The following ALPL variants were observed in gnomAD, a reference collection of about 807,000 sequenced individuals.
ALPL encodes the protein alkaline phosphatase, biomineralization associated, also known as alkaline phosphatase, tissue-nonspecific isozyme.
A neutral mutation model predicts 51.3 loss-of-function variants in ALPL; 42 were observed. The ratio of observed to expected loss-of-function variants is 0.82; its 90% CI spans 0.64 to 1.06. ALPL has a LOEUF of 1.06. Ranked by LOEUF, ALPL falls within the 50% of genes least tolerant of loss-of-function variation. The probability of loss-of-function intolerance (pLI) is 0.00; values close to 1 mark genes in which losing one functional copy is unlikely to be tolerated. For missense variants in ALPL, 589 were observed against 709.4 expected, an observed-to-expected ratio of 0.83 and a Z score of 1.93; for synonymous variants, 279 against 296.4, an observed-to-expected ratio of 0.94 and a Z score of 0.60.
chr1:21,554,187 T>C, intron 2 of ALPL, 45 bp downstream of exon 2: 1 of 1,572,968 alleles, frequency 6.4e-7, no homozygotes, highest in Non-Finnish European at 8.7e-7. Flanking sequence ...GTGGTGCAGA[T>C]GGGGTATGAT....
intron 1 of ALPL, among the ~76,000 whole-genome samples, chr1:21,511,099 C>T (rs1279493002): frequency 6.6e-6 from 1 of 152,198 alleles, no homozygotes; most frequent in South Asian, 2.1e-4. Context: ...CCGCCGTGTG[C>T]CAAGCTCTGT....
chr1:21,553,925 G>C, intron 1 of ALPL, 53 bp from the exon 2 acceptor site: 1 of 694,744 alleles, frequency 1.4e-6, no homozygotes, highest in South Asian at 1.5e-5. Context: ...AGTGAAAAAG[G>C]ATCTCTAGAG....
intron 7 of ALPL, 37 bp downstream of exon 7, chr1:21,568,284 C>T (rs1644597028): frequency 2.5e-6 from 4 of 1,613,210 alleles, no homozygotes; most frequent in Non-Finnish European, 2.5e-6. Flanking sequence ...GCAGAGGTGG[C>T]CTGTGATGGG....
intron 1 of ALPL, among the ~76,000 whole-genome samples, chr1:21,523,570 TCCC>T (rs141227415): frequency 6.6e-6 from 1 of 152,098 alleles, no homozygotes; most frequent in Non-Finnish European, 1.5e-5. Context: ...CTCAGGGGCC[TCCC>T]CTATGTCACA....
At chr1:21,570,449 G>C (rs549447227) in intron 8 of ALPL, 75 bp downstream of exon 8, 15 of 1,494,514 alleles carry the variant, frequency 1.0e-5, no homozygotes, top group African/African-American at 4.1e-5. Context: ...CCAGCACCTG[G>C]GGACAAGGCC....
intron 2 of ALPL, among the ~76,000 whole-genome samples, chr1:21,557,248 C>T (rs1463812294): frequency 3.9e-5 from 6 of 152,200 alleles, no homozygotes; most frequent in African/African-American, 7.2e-5. Flanking sequence ...GAGTTCCTCC[C>T]GCTTAGGGTC....
At chr1:21,563,535 C>T (rs1340939220) in intron 5 of ALPL, among the ~76,000 whole-genome samples, 4 of 152,110 alleles carry the variant, frequency 2.6e-5, no homozygotes, top group Non-Finnish European at 4.4e-5. Context: ...GACTATAAAA[C>T]GGGTGGGAAC....
chr1:21,567,562 T>C (rs554335078), intron 6 of ALPL, among the ~76,000 whole-genome samples: 2 of 152,308 alleles, frequency 1.3e-5, no homozygotes, highest in East Asian at 3.9e-4. Flanking sequence ...GAGGAGGCTC[T>C]GGGAGTCCCT....
At chr1:21,572,690 G>C (rs1644666805) in intron 8 of ALPL, among the ~76,000 whole-genome samples, 2 of 152,282 alleles carry the variant, frequency 1.3e-5, no homozygotes, top group African/African-American at 4.8e-5. Flanking sequence ...CAGAGGGGCA[G>C]GGTGTTCTGG....
At chr1:21,529,057 G>A (rs1300247022) in intron 1 of ALPL, among the ~76,000 whole-genome samples, 4 of 141,096 alleles carry the variant, frequency 2.8e-5, no homozygotes, top group Non-Finnish European at 4.6e-5. Flanking sequence ...TGACAAGAGC[G>A]AGACTCCATC....
chr1:21,544,257 C>G (rs531644434), intron 1 of ALPL, among the ~76,000 whole-genome samples: 1 of 152,278 alleles, frequency 6.6e-6, no homozygotes, highest in East Asian at 1.9e-4. Flanking sequence ...AGGGACTGAC[C>G]CAGCAACACA....
chr1:21,510,304 C>G (rs1378256653), intron 1 of ALPL, among the ~76,000 whole-genome samples: 1 of 152,214 alleles, frequency 6.6e-6, no homozygotes, highest in Non-Finnish European at 1.5e-5. Flanking sequence ...TGCCTTATGA[C>G]TCTTTTTCAA....
intron 5 of ALPL, 60 bp from the exon 6 acceptor site, chr1:21,563,981 G>A (rs1644525814): frequency 1.9e-6 from 3 of 1,598,854 alleles, no homozygotes; most frequent in Non-Finnish European, 2.6e-6. Flanking sequence ...AGGGAGGGAG[G>A]AGGCCTCTGG....
intron 4 of ALPL, 50 bp downstream of exon 4, chr1:21,561,262 G>T: frequency 6.7e-7 from 1 of 1,492,280 alleles, no homozygotes; most frequent in South Asian, 1.2e-5. Context: ...CAGTATCCAG[G>T]TCGAGCATCT....
At chr1:21,521,398 T>C (rs1643881890) in intron 1 of ALPL, among the ~76,000 whole-genome samples, 1 of 152,194 alleles carries the variant, frequency 6.6e-6, no homozygotes, top group Non-Finnish European at 1.5e-5. Context: ...TTGGCCAGGC[T>C]GGTCTCAAAC....
intron 1 of ALPL, among the ~76,000 whole-genome samples, chr1:21,516,435 C>T (rs1277539618): frequency 6.6e-6 from 1 of 152,170 alleles, no homozygotes; most frequent in East Asian, 1.9e-4. Flanking sequence ...ACTATAAGCC[C>T]AACATGCACG....
intron 5 of ALPL, among the ~76,000 whole-genome samples, chr1:21,563,700 G>A (rs181015721): frequency 2.0e-5 from 3 of 152,310 alleles, no homozygotes; most frequent in Admixed American, 2.0e-4. Context: ...CCAAAACACA[G>A]GTGACAAGGC....
intron 8 of ALPL, among the ~76,000 whole-genome samples, 193 bp downstream of exon 8, chr1:21,570,567 G>A (rs1016423337): frequency 6.6e-6 from 1 of 152,206 alleles, no homozygotes; most frequent in Admixed American, 6.5e-5. Context: ...TGCTGGCTGT[G>A]CAGGGGGATT....
intron 4 of ALPL, among the ~76,000 whole-genome samples, 171 bp downstream of exon 4, chr1:21,561,383 G>A (rs1046140993): frequency 3.9e-5 from 6 of 152,102 alleles, no homozygotes; most frequent in African/African-American, 1.4e-4. Context: ...TAGCATCACT[G>A]TACCTGCTTG....
Sources: gnomAD v4.1 joint callset for allele counts (sites outside exome capture counted in the v4.1 genomes callset) on GRCh38, gnomAD v4.1.1 for gene constraint, MANE v1.5 for transcripts, NCBI Gene and HGNC (gene_info 2026-07-23, HGNC 2026-07-21) for gene names.